The following YAP1 variants were observed in gnomAD, a reference collection of about 807,000 sequenced individuals.
YAP1 encodes the protein transcriptional coactivator YAP1.
YAP1 carries 5 observed loss-of-function variants against 56.9 expected under a neutral mutation model. The ratio of observed to expected loss-of-function variants is 0.09; its 90% CI spans 0.05 to 0.18. YAP1 has a LOEUF of 0.18. Ranked by LOEUF, YAP1 falls within the 10% of genes least tolerant of loss-of-function variation. YAP1 has a pLI of 1.00. For synonymous variants in YAP1, 265 were observed against 248.1 expected (o/e 1.07, Z -0.64); for missense variants, 539 against 651.8 (o/e 0.83, Z 1.88).
At chr11:102,192,776 G>A (rs1162770487) in intron 4 of YAP1, among the ~76,000 whole-genome samples, 1 of 152,194 alleles carries the variant, frequency 6.6e-6, no homozygotes, top group Non-Finnish European at 1.5e-5. Flanking sequence ...AGATACTTTT[G>A]AACTATTTAT....
intron 2 of YAP1, among the ~76,000 whole-genome samples, chr11:102,152,216 A>G (rs555124825): frequency 1.3e-5 from 2 of 152,340 alleles, no homozygotes; most frequent in East Asian, 3.9e-4. Flanking sequence ...TCTGGTTCAC[A>G]TATAGTCTTC....
At chr11:102,160,018 A>ATTTTTT (rs34332940) in intron 2 of YAP1, among the ~76,000 whole-genome samples, 2 of 108,980 alleles carry the variant, frequency 1.8e-5, no homozygotes, top group East Asian at 2.7e-4. Flanking sequence ...TACATAAAGG[A>ATTTTTT]TTTTTTTTTT....
intron 2 of YAP1, among the ~76,000 whole-genome samples, chr11:102,130,598 T>C (rs981207589): frequency 6.6e-6 from 1 of 151,862 alleles, no homozygotes; most frequent in Non-Finnish European, 1.5e-5. Flanking sequence ...AGATGGAGTC[T>C]TGCCGTGTTG....
chr11:102,209,524 G>A lies in YAP1; in HGVS notation c.992G>A (p.Arg331Gln), dbSNP rs771314689. Residue 331 changes from arginine (R) to glutamine (Q), a missense_variant, in exon 6 of 9, where the codon CGG becomes CAG. Physicochemically the swap from Arg to Gln is conservative, Grantham distance 43 (BLOSUM62 1). Coordinates refer to ENST00000282441, the MANE Select transcript of YAP1 (RefSeq NM_001130145.3). ...KQQELLRQAM[R>Q]NINPSTANSP... is the part of the protein sequence containing the mutation. ...CTTATTTTTTACTCTTAGGCAATGC[G>A]GAATATCAATCCCAGCACAGCAAAT... is the stretch of plus-strand genomic sequence containing the variant. 1.9e-6 allele frequency: 3 copies of A among 1,605,288 alleles called. No homozygotes were observed. The highest frequency in any genetic ancestry group is 2.5e-6 in the Non-Finnish European group (3 of 1,176,834).
intron 7 of YAP1, among the ~76,000 whole-genome samples, chr11:102,224,125 A>C (rs1242237014): frequency 3.3e-5 from 5 of 152,244 alleles, no homozygotes; most frequent in Non-Finnish European, 7.3e-5. Context: ...GGATCACTGG[A>C]AGGAATTTTC....
chr11:102,125,858 G>C (rs557140343), intron 2 of YAP1, among the ~76,000 whole-genome samples: 157 of 152,164 alleles, frequency 1.0e-3, no homozygotes, highest in Admixed American at 2.9e-3. Flanking sequence ...TCATTGGAGA[G>C]TAATACAACA....
At chr11:102,209,669 C>A in intron 6 of YAP1, 105 bp downstream of exon 6, 1 of 1,039,818 alleles carries the variant, frequency 9.6e-7, no homozygotes, top group Admixed American at 2.9e-5. Context: ...TGGACATTAG[C>A]CCAGAGAATA....
intron 2 of YAP1, among the ~76,000 whole-genome samples, chr11:102,132,851 C>CT (rs1421980623): frequency 6.6e-6 from 1 of 152,128 alleles, no homozygotes; most frequent in African/African-American, 2.4e-5. Flanking sequence ...CAATTTTTTA[C>CT]TTTTTTTATT....
At chr11:102,159,054 G>A (rs7940845) in intron 2 of YAP1, among the ~76,000 whole-genome samples, 3 of 152,082 alleles carry the variant, frequency 2.0e-5, no homozygotes, top group African/African-American at 7.2e-5. Flanking sequence ...AATATTTTGC[G>A]GCATTTGGTT....
chr11:102,127,583 T>G (rs1944110892), intron 2 of YAP1, among the ~76,000 whole-genome samples: 1 of 152,168 alleles, frequency 6.6e-6, no homozygotes. Flanking sequence ...GGCGGGGCCC[T>G]GATGGAGAAC....
chr11:102,214,093 A>G (rs1005335483), intron 6 of YAP1, among the ~76,000 whole-genome samples: 2 of 152,220 alleles, frequency 1.3e-5, no homozygotes, highest in Non-Finnish European at 2.9e-5. Context: ...AGAAAATTAG[A>G]GAATTCTTGA....
At chr11:102,135,523 G>C (rs1376792580) in intron 2 of YAP1, among the ~76,000 whole-genome samples, 3 of 152,164 alleles carry the variant, frequency 2.0e-5, no homozygotes, top group Non-Finnish European at 4.4e-5. Flanking sequence ...TGTGTACATG[G>C]CCTTTCTAGC....
At chr11:102,191,063 C>T (rs1948252582) in intron 4 of YAP1, among the ~76,000 whole-genome samples, 1 of 151,980 alleles carries the variant, frequency 6.6e-6, no homozygotes, top group Admixed American at 6.6e-5. Flanking sequence ...GTCCCAACTA[C>T]TCAGGAGGCT....
At chr11:102,171,540 G>A (rs1050503052) in intron 3 of YAP1, among the ~76,000 whole-genome samples, 11 of 151,976 alleles carry the variant, frequency 7.2e-5, no homozygotes, top group South Asian at 2.1e-4. Flanking sequence ...TTTTTCCTTC[G>A]GCAAAACTTT....
chr11:102,177,257 A>G (rs1035586939), intron 3 of YAP1, among the ~76,000 whole-genome samples: 1 of 152,158 alleles, frequency 6.6e-6, no homozygotes, highest in South Asian at 2.1e-4. Context: ...ATGCCTGACT[A>G]TAGAGGATAA....
chr11:102,216,349 A>G (rs1949664127), intron 6 of YAP1, among the ~76,000 whole-genome samples: 1 of 152,184 alleles, frequency 6.6e-6, no homozygotes, highest in African/African-American at 2.4e-5. Context: ...TTTAAAAAAA[A>G]ATCTTAATAT....
chr11:102,175,145 G>T (rs1199600093), intron 3 of YAP1, among the ~76,000 whole-genome samples: 2 of 152,094 alleles, frequency 1.3e-5, no homozygotes, highest in East Asian at 3.9e-4. Context: ...TATGTTTATA[G>T]TATCATTAGT....
At chr11:102,192,439 A>G (rs73582094) in intron 4 of YAP1, among the ~76,000 whole-genome samples, 6,156 of 152,284 alleles carry the variant, frequency 0.04, 384 homozygotes, top group African/African-American at 0.13. Flanking sequence ...TCTTTCTTCA[A>G]TCTGCAGTAG....
At chr11:102,169,923 T>TCTG (rs1406393300) in intron 3 of YAP1, among the ~76,000 whole-genome samples, 1 of 152,224 alleles carries the variant, frequency 6.6e-6, no homozygotes, top group Non-Finnish European at 1.5e-5. Flanking sequence ...CAATATGGAA[T>TCTG]ATGATGACTT....
Sources: allele counts gnomAD v4.1 joint callset (sites outside exome capture counted in the v4.1 genomes callset), GRCh38; gene constraint gnomAD v4.1.1; transcripts MANE v1.5; gene names NCBI Gene and HGNC (gene_info 2026-07-23, HGNC 2026-07-21).